EFL1: variants seen among roughly 807,000 people sequenced by gnomAD.
The protein encoded by EFL1 is elongation factor-like GTPase 1.
A neutral mutation model predicts 126.7 loss-of-function variants in EFL1; 76 were observed. The ratio of observed to expected loss-of-function variants is 0.60; its 90% CI spans 0.50 to 0.73. EFL1 has a LOEUF of 0.73. EFL1 is among the 30% of genes least tolerant of loss of function. EFL1 has a pLI of 0.00. For missense variants in EFL1, 1,128 were observed against 1,343.2 expected (o/e 0.84, Z 2.50); for synonymous variants, 410 against 448.4 (o/e 0.91, Z 1.08).
At chr15:82,258,336 A>G (rs1441131941) in intron 3 of EFL1, among the ~76,000 whole-genome samples, 2 of 152,114 alleles carry the variant, frequency 1.3e-5, no homozygotes, top group Non-Finnish European at 2.9e-5. Flanking sequence ...AGGCAGGAGG[A>G]TTGCTTGAGC....
At chr15:82,255,391 G>T (rs1218584623) in intron 3 of EFL1, among the ~76,000 whole-genome samples, 1 of 152,140 alleles carries the variant, frequency 6.6e-6, no homozygotes, top group African/African-American at 2.4e-5. Flanking sequence ...GTTATTTATA[G>T]TCTCTGAATA....
chr15:82,159,198 T>C (rs1372706800), intron 16 of EFL1, among the ~76,000 whole-genome samples: 2 of 152,204 alleles, frequency 1.3e-5, no homozygotes, highest in Non-Finnish European at 2.9e-5. Flanking sequence ...TTATCTAGTG[T>C]TAACTAAGCC....
intron 12 of EFL1, among the ~76,000 whole-genome samples, chr15:82,223,565 G>A (rs1303529072): frequency 2.0e-5 from 3 of 152,116 alleles, no homozygotes; most frequent in Admixed American, 2.0e-4. Flanking sequence ...ATGAAGGATG[G>A]GTAGAGCTAG....
chr15:82,240,992 G>A (rs536628578), intron 5 of EFL1, among the ~76,000 whole-genome samples: 7 of 152,332 alleles, frequency 4.6e-5, no homozygotes, highest in African/African-American at 1.7e-4. Flanking sequence ...GGAGGTTGCA[G>A]TAAGCCAAGA....
intron 15 of EFL1, among the ~76,000 whole-genome samples, chr15:82,212,084 A>G (rs545217129): frequency 6.6e-6 from 1 of 152,290 alleles, no homozygotes; most frequent in Admixed American, 6.5e-5. Flanking sequence ...ATCTCCACCT[A>G]GGATGTCAAC....
chr15:82,254,617 G>C (rs539670003), intron 3 of EFL1, among the ~76,000 whole-genome samples: 1 of 152,276 alleles, frequency 6.6e-6, no homozygotes, highest in East Asian at 1.9e-4. Flanking sequence ...AGAGTGGCAA[G>C]TTTTAAGCCT....
At chr15:82,195,988 G>A (rs1447760796) in intron 15 of EFL1, among the ~76,000 whole-genome samples, 1 of 152,194 alleles carries the variant, frequency 6.6e-6, no homozygotes, top group African/African-American at 2.4e-5. Context: ...AGTTGGGGAA[G>A]GCTTCCAAGA....
chr15:82,154,139 G>A (rs1433960870), intron 17 of EFL1, among the ~76,000 whole-genome samples: 1 of 152,152 alleles, frequency 6.6e-6, no homozygotes, highest in Non-Finnish European at 1.5e-5. Flanking sequence ...CCAAGCTGTG[G>A]AAGGAAGTGT....
chr15:82,197,301 C>T (rs930416851), intron 15 of EFL1, among the ~76,000 whole-genome samples: 9 of 152,176 alleles, frequency 5.9e-5, no homozygotes, highest in African/African-American at 1.9e-4. Context: ...GATTTCCAAG[C>T]ATATCTGATT....
intron 18 of EFL1, among the ~76,000 whole-genome samples, chr15:82,148,801 CT>C (rs2073876364): frequency 6.6e-6 from 1 of 152,114 alleles, no homozygotes; most frequent in South Asian, 2.1e-4. Context: ...AATGACTAAA[CT>C]TTTTGAGGAT....
chr15:82,139,867 G>A (rs867007757), intron 18 of EFL1, among the ~76,000 whole-genome samples: 3 of 152,188 alleles, frequency 2.0e-5, no homozygotes, highest in South Asian at 2.1e-4. Flanking sequence ...GATGAGTCTG[G>A]AGTGTCTGCT....
chr15:82,257,798 TG>T (rs1396785036), intron 3 of EFL1, among the ~76,000 whole-genome samples: 1 of 152,260 alleles, frequency 6.6e-6, no homozygotes, highest in Non-Finnish European at 1.5e-5. Flanking sequence ...ATTTGTTAGC[TG>T]GGTTAATCTT....
chr15:82,158,663 TCAAA>T lies in EFL1; in HGVS notation c.1883-807_1883-804del, dbSNP rs139701453. On this transcript the variant is annotated intron_variant, in intron 16 of 19. Coordinates refer to ENST00000268206, the MANE Select transcript of EFL1 (RefSeq NM_024580.6). ...TCCTCAATGCTTGGTTTTCAGCATG[TCAAA>T]CAAACAAAATCACAGGAACTTTCTG... 8.0e-3 allele frequency among the ~76,000 whole-genome samples: 1,225 copies of T among 152,338 alleles called. 14 individuals are homozygous for T. Among genetic ancestry groups the T allele is most frequent in the African/African-American group, 0.028 (1,149 of 41,578 alleles).
intron 3 of EFL1, among the ~76,000 whole-genome samples, chr15:82,254,586 T>C (rs2075051221): frequency 6.6e-6 from 1 of 152,220 alleles, no homozygotes; most frequent in Admixed American, 6.5e-5. Context: ...AATGAGTGTG[T>C]CACTAAGCAA....
chr15:82,195,899 T>C (rs1032029767), intron 15 of EFL1, among the ~76,000 whole-genome samples: 1 of 151,990 alleles, frequency 6.6e-6, no homozygotes, highest in Non-Finnish European at 1.5e-5. Flanking sequence ...TGTAAAGGAA[T>C]CAATGTTCTA....
At chr15:82,236,751 G>T (rs190508786) in intron 7 of EFL1, among the ~76,000 whole-genome samples, 1 of 152,228 alleles carries the variant, frequency 6.6e-6, no homozygotes, top group Admixed American at 6.5e-5. Flanking sequence ...CAATCTTTAG[G>T]ATCTAGAGCT....
At chr15:82,135,558 T>C (rs1332944826) in intron 19 of EFL1, among the ~76,000 whole-genome samples, 1 of 152,230 alleles carries the variant, frequency 6.6e-6, no homozygotes, top group African/African-American at 2.4e-5. Context: ...ATTTCTATCA[T>C]AGCTACTTTA....
intron 16 of EFL1, among the ~76,000 whole-genome samples, chr15:82,159,300 TAAAAA>T (rs923347100): frequency 6.6e-6 from 1 of 151,854 alleles, no homozygotes; most frequent in East Asian, 1.9e-4. Context: ...ATGGGAATAA[TAAAAA>T]AAGAAATGGC....
chr15:82,210,187 A>G (rs61433916), intron 15 of EFL1, among the ~76,000 whole-genome samples: 18,941 of 152,234 alleles, frequency 0.12, 2,417 homozygotes, highest in African/African-American at 0.32. Flanking sequence ...ATTATCTACG[A>G]TTAGCAATGT....
Sources: gnomAD v4.1 joint callset for allele counts (sites outside exome capture counted in the v4.1 genomes callset) on GRCh38, gnomAD v4.1.1 for gene constraint, MANE v1.5 for transcripts, NCBI Gene and HGNC (gene_info 2026-07-23, HGNC 2026-07-21) for gene names.